The following ANKRD45 variants were observed in gnomAD, a reference collection of about 807,000 sequenced individuals.
The protein encoded by ANKRD45 is ankyrin repeat domain 45, also known as ankyrin repeat domain-containing protein 45.
A neutral mutation model predicts 28.1 loss-of-function variants in ANKRD45; 21 were observed. The ratio of observed to expected loss-of-function variants is 0.75; its 90% CI spans 0.53 to 1.08. ANKRD45 has a LOEUF of 1.08. Among genes scored for constraint, ANKRD45 ranks in the 50% least tolerant of loss-of-function variants. The pLI, the probability that ANKRD45 is intolerant of heterozygous loss-of-function variation, is 0.00. For missense variants in ANKRD45, 261 were observed against 308.7 expected (o/e 0.85, Z 1.16); for synonymous variants, 86 against 103.9 (o/e 0.83, Z 1.05).
At chr1:173,680,145 T>C in the ANKRD45 span, among the ~76,000 whole-genome samples, 4 of 152,130 alleles carry the variant, frequency 2.6e-5, no homozygotes, top group Non-Finnish European at 5.9e-5. Flanking sequence ...TCCTCAAGGA[T>C]CTAGAACTAG....
the ANKRD45 span, among the ~76,000 whole-genome samples, chr1:173,700,328 G>C: frequency 6.6e-6 from 1 of 152,114 alleles, no homozygotes; most frequent in African/African-American, 2.4e-5. Flanking sequence ...CTACTTTAAA[G>C]TTCATATGGA....
chr1:173,712,256 T>C, the ANKRD45 span, among the ~76,000 whole-genome samples: 1 of 152,182 alleles, frequency 6.6e-6, no homozygotes, highest in Non-Finnish European at 1.5e-5. Context: ...ACTGTGATGA[T>C]AATATAGACC....
intron 5 of ANKRD45, among the ~76,000 whole-genome samples, chr1:173,616,422 G>C (rs1667470695): frequency 6.6e-6 from 1 of 152,104 alleles, no homozygotes; most frequent in South Asian, 2.1e-4. Flanking sequence ...GGGAAGAATA[G>C]GAAGTGACTG....
chr1:173,691,000 G>A, the ANKRD45 span, among the ~76,000 whole-genome samples: 1 of 152,138 alleles, frequency 6.6e-6, no homozygotes. Context: ...TTCTACTATG[G>A]AGGTTTGTGT....
At chr1:173,683,687 T>G in the ANKRD45 span, among the ~76,000 whole-genome samples, 1 of 152,174 alleles carries the variant, frequency 6.6e-6, no homozygotes, top group African/African-American at 2.4e-5. Flanking sequence ...AGGTCTCAGT[T>G]AATTTAGAAA....
At chr1:173,618,261 C>T (rs1378858494) in intron 5 of ANKRD45, among the ~76,000 whole-genome samples, 6 of 152,212 alleles carry the variant, frequency 3.9e-5, no homozygotes, top group African/African-American at 9.7e-5. Context: ...GACTGCAACA[C>T]CTCTCCAGCA....
chr1:173,652,311 G>C (rs907719182), intron 2 of ANKRD45, among the ~76,000 whole-genome samples: 4 of 152,146 alleles, frequency 2.6e-5, no homozygotes, highest in Non-Finnish European at 5.9e-5. Flanking sequence ...ATGAAGGTCT[G>C]TTGAATTTTG....
intron 1 of ANKRD45, among the ~76,000 whole-genome samples, chr1:173,667,908 T>C (rs1670094320): frequency 6.6e-6 from 1 of 152,148 alleles, no homozygotes; most frequent in Non-Finnish European, 1.5e-5. Flanking sequence ...AGAATCTGTC[T>C]CCCATTAAGC....
At chr1:173,661,248 A>T (rs1322153387) in intron 1 of ANKRD45, among the ~76,000 whole-genome samples, 2 of 152,246 alleles carry the variant, frequency 1.3e-5, no homozygotes, top group African/African-American at 2.4e-5. Context: ...AAAGGGAATT[A>T]TATGTTTAGT....
Position 173,659,343 on chromosome 1 carries a change from C to G in ANKRD45, c.76G>C (p.Glu26Gln). The part of the protein sequence containing the change: ...SQQEEENEEE[E>Q]AQEPEETGPK... ...CCTGTTTCCTCTGGTTCTTGGGCTT[C>G]TTCTTCTTCATTTTCCTCTTCTTGC... The change falls in exon 2 of 6, where the codon GAA (glutamate) becomes CAA (glutamine). Residue 26 changes from glutamate (E) to glutamine (Q), a missense_variant. Glu to Gln is a conservative substitution (Grantham distance 29). Transcript: ENST00000333279. 1 of 1,612,260 alleles carries G rather than the reference C, an allele frequency of 6.2e-7. No homozygotes were observed. Among genetic ancestry groups the G allele is most frequent in the South Asian group, 1.1e-5 (1 of 90,756 alleles).
chr1:173,703,518 C>CAGA, the ANKRD45 span, among the ~76,000 whole-genome samples: 1 of 152,124 alleles, frequency 6.6e-6, no homozygotes, highest in East Asian at 1.9e-4. Flanking sequence ...TGTGTCCATT[C>CAGA]TTATACATCC....
the ANKRD45 span, among the ~76,000 whole-genome samples, chr1:173,711,171 T>C: frequency 6.6e-6 from 1 of 152,164 alleles, no homozygotes; most frequent in Non-Finnish European, 1.5e-5. Flanking sequence ...TGAAAAGAAT[T>C]ATTTGGCTGT....
In ANKRD45 at chr1:173,637,145, C is replaced by T. The variant is rs553326474; in HGVS notation, c.496+9701G>A. The T allele has an allele frequency of 1.4e-4, 115 of 827,488 alleles. No individual in the cohort carries two copies. The African/African-American group carries it at 1.9e-3, about 13-fold the overall frequency. 51.3% of individuals were successfully genotyped at this position (827,488 alleles called of 1,614,324 possible). On this transcript the variant is annotated intron_variant, in intron 3 of 5. Coordinates refer to ENST00000333279, the MANE Select transcript of ANKRD45 (RefSeq NM_198493.3). The stretch of plus-strand genomic sequence containing the variant: ...GGAAACCTTTATAAACTTTTTGCCA[C>T]AATCTTTACTAAAATTTTCCAAAGA...
rs1392701900 is a variant in ANKRD45 at position 173,640,195 on chromosome 1, A to G, written c.496+6651T>C. Among the ~76,000 whole-genome samples the G allele has an allele frequency of 2.6e-5, 4 of 152,066 alleles. No homozygotes were observed. In the East Asian group the frequency reaches 7.7e-4, roughly 29 times the overall value. On this transcript the variant is annotated intron_variant, in intron 3 of 5. Transcript: ENST00000333279. ...AGCTGATGTTCCTGTGTTTAAAACT[A>G]AGGATCAGTTCCTGAGCAATTATAT...
intron 5 of ANKRD45, among the ~76,000 whole-genome samples, chr1:173,613,648 G>C: frequency 6.7e-6 from 1 of 149,926 alleles, no homozygotes; most frequent in South Asian, 2.1e-4. Flanking sequence ...GGAGGGAGGA[G>C]GGGGGTCAGC....
intron 2 of ANKRD45, among the ~76,000 whole-genome samples, chr1:173,648,093 C>A (rs1274424620): frequency 6.6e-6 from 1 of 152,122 alleles, no homozygotes; most frequent in East Asian, 1.9e-4. Flanking sequence ...GCATGCAGCA[C>A]CACGCCCAGC....
the ANKRD45 span, among the ~76,000 whole-genome samples, chr1:173,688,019 C>T: frequency 8.9e-5 from 13 of 145,736 alleles, no homozygotes; most frequent in Non-Finnish European, 1.4e-4. Flanking sequence ...AGAATTGCCT[C>T]ATACTTTCTT....
In ANKRD45 at chr1:173,621,030, T is replaced by A. The variant is rs1312879765; in HGVS notation, c.730+3757A>T. Among the ~76,000 whole-genome samples, 3 of 152,246 alleles carry A rather than the reference T, an allele frequency of 2.0e-5. No homozygotes were observed. In the East Asian group the frequency reaches 5.8e-4, roughly 29 times the overall value. On this transcript the variant is annotated intron_variant, in intron 5 of 5. Coordinates refer to ENST00000333279, the MANE Select transcript of ANKRD45 (RefSeq NM_198493.3). Reference sequence around the variant, plus strand: ...CCATCAGACAAACTATAAACAATTCTATGAACATAAAGTAGAAAAGCTAGA... The same window carrying A: ...CCATCAGACAAACTATAAACAATTCAATGAACATAAAGTAGAAAAGCTAGA...
At chr1:173,641,927 G>T (rs1369144392) in intron 3 of ANKRD45, among the ~76,000 whole-genome samples, 6 of 152,236 alleles carry the variant, frequency 3.9e-5, no homozygotes, top group African/African-American at 1.4e-4. Context: ...TTATACTAGG[G>T]ACTCCATCGA....
Sources: allele counts gnomAD v4.1 joint callset (sites outside exome capture counted in the v4.1 genomes callset), GRCh38; gene constraint gnomAD v4.1.1; transcripts MANE v1.5; gene names NCBI Gene and HGNC (gene_info 2026-07-23, HGNC 2026-07-21).